CCSER1: variants seen among roughly 807,000 people sequenced by gnomAD.
CCSER1 encodes coiled-coil serine rich protein 1.
CCSER1 carries 41 observed loss-of-function variants against 82.0 expected under a neutral mutation model. The observed-to-expected ratio is 0.50, with a 90% CI of 0.39 to 0.65. The LOEUF (loss-of-function observed/expected upper bound fraction) is 0.65. CCSER1 is among the 30% of genes least tolerant of loss of function. The pLI is 0.00. For missense variants in CCSER1, 1,119 were observed against 1,064.2 expected, an observed-to-expected ratio of 1.05 and a Z score of -0.72; for synonymous variants, 414 against 383.9, an observed-to-expected ratio of 1.08 and a Z score of -0.92.
intron 4 of CCSER1, among the ~76,000 whole-genome samples, chr4:90,453,772 T>TTAAA (rs61572840): frequency 0.13 from 19,571 of 151,976 alleles, 1,841 homozygotes; most frequent in East Asian, 0.37. Flanking sequence ...AACTATTGGG[T>TTAAA]TAAAGGCTTT....
intron 10 of CCSER1, among the ~76,000 whole-genome samples, chr4:91,462,882 CA>C (rs1169505899): frequency 2.0e-5 from 3 of 152,008 alleles, no homozygotes; most frequent in Non-Finnish European, 4.4e-5. Flanking sequence ...GGGTAGAGCC[CA>C]CCTCTGCTCA....
chr4:90,490,223 G>A (rs1177186659), intron 5 of CCSER1, among the ~76,000 whole-genome samples: 9 of 152,142 alleles, frequency 5.9e-5, no homozygotes, highest in Non-Finnish European at 1.3e-4. Context: ...TCTAACTGGT[G>A]TGAGATGGTA....
At chr4:91,063,040 A>C (rs1744088384) in intron 9 of CCSER1, among the ~76,000 whole-genome samples, 1 of 152,132 alleles carries the variant, frequency 6.6e-6, no homozygotes, top group Non-Finnish European at 1.5e-5. Flanking sequence ...TCATATTATG[A>C]AAAATACACT....
intron 4 of CCSER1, among the ~76,000 whole-genome samples, chr4:90,449,686 A>G (rs1001385414): frequency 2.6e-5 from 4 of 152,228 alleles, no homozygotes; most frequent in African/African-American, 9.6e-5. Flanking sequence ...TGGCTGGGTC[A>G]TAACAGTTGT....
chr4:90,532,498 G>T (rs1186770041), intron 5 of CCSER1, among the ~76,000 whole-genome samples: 3 of 151,878 alleles, frequency 2.0e-5, no homozygotes, highest in African/African-American at 7.3e-5. Context: ...AGCTTTTTAC[G>T]GTGGTGTTCT....
intron 10 of CCSER1, among the ~76,000 whole-genome samples, chr4:91,367,390 A>T (rs1301712864): frequency 1.3e-5 from 2 of 148,868 alleles, no homozygotes; most frequent in African/African-American, 4.9e-5. Context: ...TAAGGATGAG[A>T]TCCATGGAAG....
chr4:90,549,249 A>G (rs1029035783), intron 5 of CCSER1, among the ~76,000 whole-genome samples: 5 of 152,218 alleles, frequency 3.3e-5, no homozygotes, highest in African/African-American at 1.2e-4. Context: ...ATAATATGAG[A>G]ACATTTCATT....
chr4:90,391,053 C>T (rs1398038505), intron 3 of CCSER1, among the ~76,000 whole-genome samples: 1 of 142,354 alleles, frequency 7.0e-6, no homozygotes, highest in African/African-American at 2.7e-5. Context: ...CACCTGAGGT[C>T]AGGAGTTCAA....
At chr4:90,211,214 A>G (rs887890849) in intron 1 of CCSER1, among the ~76,000 whole-genome samples, 5 of 152,248 alleles carry the variant, frequency 3.3e-5, no homozygotes, top group African/African-American at 1.2e-4. Context: ...GTGCAACAAG[A>G]TCAGCAGATC....
intron 5 of CCSER1, among the ~76,000 whole-genome samples, chr4:90,494,764 C>T (rs1768709439): frequency 6.6e-6 from 1 of 152,086 alleles, no homozygotes; most frequent in African/African-American, 2.4e-5. Context: ...ATTACTAAAT[C>T]AACTCCCTAT....
chr4:91,110,117 A>G (rs1725967995), intron 10 of CCSER1, among the ~76,000 whole-genome samples: 1 of 152,028 alleles, frequency 6.6e-6, no homozygotes, highest in South Asian at 2.1e-4. Flanking sequence ...AAACCATATC[A>G]TCAGTGTTGT....
chr4:91,522,444 A>C (rs1760529105), intron 10 of CCSER1, among the ~76,000 whole-genome samples: 1 of 152,150 alleles, frequency 6.6e-6, no homozygotes, highest in Admixed American at 6.5e-5. Context: ...ATGGCACTGA[A>C]TCTATAAATT....
chr4:90,990,615 G>A (rs950111335), intron 9 of CCSER1, among the ~76,000 whole-genome samples: 1 of 151,922 alleles, frequency 6.6e-6, no homozygotes, highest in Non-Finnish European at 1.5e-5. Flanking sequence ...CAGATGGAGT[G>A]CTTCCTGCAG....
In CCSER1 at chr4:90,546,085, T is replaced by C. The variant is rs1183247812; in HGVS notation, c.1724+77731T>C. Among the ~76,000 whole-genome samples the C allele has an allele frequency of 2.0e-5, 3 of 151,668 alleles. No individual in the cohort carries two copies. The East Asian group carries it at 5.8e-4, about 29-fold the overall frequency. ...CCTTTTATGTGAAAGAGTCATTTCT[T>C]AGCCTTCACACCCAGAAGCATTGGC... On this transcript the variant is annotated intron_variant, in intron 5 of 10. Transcript: ENST00000509176.
rs189219877 is a variant in CCSER1, at chr4:91,599,175, G to C, written c.*118G>C. 90 of 1,267,354 alleles carry C rather than the reference G, an allele frequency of 7.1e-5. No individual in the cohort carries two copies. Among genetic ancestry groups the C allele is most frequent in the Non-Finnish European group, 1.9e-5 (18 of 952,930 alleles). 78.5% of individuals were successfully genotyped at this position (1,267,354 alleles called of 1,614,324 possible). A position where few individuals can be genotyped will look rare whatever the true frequency, so the allele number is the denominator to read the frequency against. On this transcript the variant is annotated 3_prime_UTR_variant, in exon 11 of 11. Coordinates refer to ENST00000509176, the MANE Select transcript of CCSER1 (RefSeq NM_001145065.2). The stretch of plus-strand genomic sequence containing the variant: ...ACATTTTAGTTATAAACAGAGTTGT[G>C]TTGTTGGGTTTTTTTTCTTAGTCAT...
At chr4:90,970,569 A>G (rs1451221459) in intron 9 of CCSER1, among the ~76,000 whole-genome samples, 1 of 151,990 alleles carries the variant, frequency 6.6e-6, no homozygotes, top group Admixed American at 6.6e-5. Context: ...TAAGGAAACA[A>G]CAGACATGAA....
intron 6 of CCSER1, among the ~76,000 whole-genome samples, chr4:90,671,721 C>T (rs1732835249): frequency 6.6e-6 from 1 of 151,984 alleles, no homozygotes. Context: ...TGAATCCTTT[C>T]CAGAAGGTTT....
At chr4:91,180,531 G>T (rs985316596) in intron 10 of CCSER1, among the ~76,000 whole-genome samples, 4 of 152,210 alleles carry the variant, frequency 2.6e-5, no homozygotes, top group African/African-American at 9.7e-5. Context: ...TCCCCAGCCT[G>T]GCTGCTGCCT....
At chr4:90,697,906 ACC>A (rs1737289060) in intron 6 of CCSER1, among the ~76,000 whole-genome samples, 1 of 152,162 alleles carries the variant, frequency 6.6e-6, no homozygotes. Flanking sequence ...ATAAAGTTAA[ACC>A]ATTGTAAGAG....
Sources: allele counts gnomAD v4.1 joint callset (sites outside exome capture counted in the v4.1 genomes callset), GRCh38; gene constraint gnomAD v4.1.1; transcripts MANE v1.5; gene names NCBI Gene and HGNC (gene_info 2026-07-23, HGNC 2026-07-21).